Variants in TBC1D5 observed in about 807,000 individuals in gnomAD.
The protein encoded by TBC1D5 is TBC1 domain family, member 5.
In TBC1D5, 75 loss-of-function variants were observed where a neutral mutation model predicts 100.3. That is an observed-to-expected ratio of 0.75 (90% confidence interval 0.62 to 0.91). The LOEUF is 0.91. TBC1D5 is among the 40% of genes least tolerant of loss of function. The probability of loss-of-function intolerance (pLI) is 0.00; values close to 1 mark genes in which losing one functional copy is unlikely to be tolerated. For missense variants in TBC1D5, 910 were observed against 942.4 expected, an observed-to-expected ratio of 0.97 and a Z score of 0.45; for synonymous variants, 323 against 325.6, an observed-to-expected ratio of 0.99 and a Z score of 0.09.
At chr3:17,451,392 G>A (rs992133769) in intron 3 of TBC1D5, among the ~76,000 whole-genome samples, 4 of 152,104 alleles carry the variant, frequency 2.6e-5, no homozygotes, top group Non-Finnish European at 5.9e-5. Flanking sequence ...CAACAAACAT[G>A]AAGAAAAGCT....
At chr3:17,721,846 G>T (rs1363138338) in intron 1 of TBC1D5, among the ~76,000 whole-genome samples, 1 of 151,882 alleles carries the variant, frequency 6.6e-6, no homozygotes, top group Non-Finnish European at 1.5e-5. Flanking sequence ...CCAAGCGGTA[G>T]TGGCACATGC....
At position 17,624,514 on chromosome 3, in the gene TBC1D5, T is replaced by C. The variant is rs144439998; in HGVS notation, c.-100-601A>G. Among the ~76,000 whole-genome samples the C allele has an allele frequency of 1.0e-3, 153 of 152,202 alleles. 2 individuals carry two copies. In the South Asian group the frequency reaches 0.018, roughly 18 times the overall value. ...AATACTGTAGCATCTGGGAGTGATA[T>C]ATAAAATGCAGAAATACACCTAATA... is the stretch of plus-strand genomic sequence containing the variant. On this transcript the variant is annotated intron_variant, in intron 1 of 21. Transcript: ENST00000253692.
intron 2 of TBC1D5, among the ~76,000 whole-genome samples, chr3:17,553,491 C>A (rs186404270): frequency 6.7e-4 from 102 of 152,140 alleles, no homozygotes; most frequent in Non-Finnish European, 5.4e-4. Flanking sequence ...CCAGAAAATC[C>A]AAAATGGAAA....
intron 13 of TBC1D5, among the ~76,000 whole-genome samples, chr3:17,328,193 A>G (rs2086407635): frequency 6.6e-6 from 1 of 151,902 alleles, no homozygotes; most frequent in South Asian, 2.1e-4. Context: ...TCGCTTGAGC[A>G]TGGGAGGTTG....
At chr3:17,571,941 G>C (rs1258275722) in intron 2 of TBC1D5, among the ~76,000 whole-genome samples, 3 of 152,000 alleles carry the variant, frequency 2.0e-5, no homozygotes, top group Non-Finnish European at 4.4e-5. Flanking sequence ...CCCAGACAAT[G>C]ACAGGGATGC....
In TBC1D5 at chr3:17,707,874, T is replaced by C. The variant is rs1270359426; in HGVS notation, c.-101+31469A>G. ...GTACCAGAAAAAATTCATCAATGAG[T>C]GTATTTTTGTTGTTGAGAAATTTTC... is the stretch of plus-strand genomic sequence containing the variant. On this transcript the variant is annotated intron_variant, in intron 1 of 21. Transcript: ENST00000253692. Among the ~76,000 whole-genome samples, 4 of 152,020 alleles carry C rather than the reference T, an allele frequency of 2.6e-5. No individual in the cohort carries two copies. In the East Asian group the frequency reaches 5.8e-4, roughly 22 times the overall value.
intron 19 of TBC1D5, among the ~76,000 whole-genome samples, chr3:17,177,941 C>T (rs9813803): frequency 0.011 from 1,705 of 152,154 alleles, 36 homozygotes; most frequent in African/African-American, 0.039. Flanking sequence ...ATTTTTAGAT[C>T]CCTCAAATAA....
intron 7 of TBC1D5, among the ~76,000 whole-genome samples, chr3:17,403,585 A>G (rs930705467): frequency 3.9e-5 from 6 of 152,116 alleles, no homozygotes; most frequent in Non-Finnish European, 7.4e-5. Flanking sequence ...TACAAATCAG[A>G]AAAACAGCAC....
chr3:17,401,735 G>T (rs553797694), intron 8 of TBC1D5, among the ~76,000 whole-genome samples: 1 of 152,142 alleles, frequency 6.6e-6, no homozygotes, highest in African/African-American at 2.4e-5. Flanking sequence ...TCTGAAGTTG[G>T]CAAGTTTTTA....
At chr3:17,594,021 C>T (rs2060405171) in intron 2 of TBC1D5, among the ~76,000 whole-genome samples, 1 of 152,176 alleles carries the variant, frequency 6.6e-6, no homozygotes, top group South Asian at 2.1e-4. Flanking sequence ...GCTTCCTGTT[C>T]TCATGACATT....
upstream of TBC1D5, among the ~76,000 whole-genome samples, chr3:17,741,839 T>C (rs2077472604): frequency 7.4e-6 from 1 of 135,836 alleles, no homozygotes; most frequent in Admixed American, 7.7e-5. Context: ...TTTGCTCTTA[T>C]CCTGAAAGAC....
chr3:17,704,482 T>C (rs2073693673), intron 1 of TBC1D5, among the ~76,000 whole-genome samples: 2 of 135,338 alleles, frequency 1.5e-5, no homozygotes, highest in South Asian at 5.1e-4. Context: ...GGCTCCTCAC[T>C]TCCCAGTAGG....
intron 14 of TBC1D5, among the ~76,000 whole-genome samples, chr3:17,305,841 C>T (rs1575230195): frequency 6.6e-6 from 1 of 152,272 alleles, no homozygotes; most frequent in East Asian, 1.9e-4. Context: ...CCTGAACTAC[C>T]ATCACAACTG....
chr3:17,577,188 G>A (rs1576804166), intron 2 of TBC1D5, among the ~76,000 whole-genome samples: 1 of 151,966 alleles, frequency 6.6e-6, no homozygotes, highest in Non-Finnish European at 1.5e-5. Flanking sequence ...TTTAAAGTCT[G>A]CATATAAAAA....
intron 1 of TBC1D5, among the ~76,000 whole-genome samples, chr3:17,669,154 T>C (rs187358733): frequency 6.6e-6 from 1 of 152,308 alleles, no homozygotes; most frequent in East Asian, 1.9e-4. Flanking sequence ...GGTCTGATTA[T>C]TTTTAAAAGG....
rs542197209 is a variant in TBC1D5, at chr3:17,212,078, T to C, written c.1752+2129A>G. On this transcript the variant is annotated intron_variant, in intron 18 of 21. Transcript: ENST00000253692. ...TAAATAATTATCTCTCAAAGGTTAA[T>C]AGTTTGTTTGTTTTTCTAATTTAGG... Among the ~76,000 whole-genome samples the C allele has an allele frequency of 5.3e-5, 8 of 152,246 alleles. No homozygotes were observed. The South Asian group carries it at 1.5e-3, about 28-fold the overall frequency.
Position 17,163,868 on chromosome 3 carries a change from T to A in TBC1D5, c.2095-2612A>T, listed in dbSNP as rs144741521. Among the ~76,000 whole-genome samples the A allele has an allele frequency of 1.3e-3, 197 of 152,324 alleles. 1 individual carries two copies. In the East Asian group the frequency reaches 0.032, roughly 25 times the overall value. ...ATTTAATTTTAAATAGATAGATACG[T>A]GGCTAGTGGCTGTAATAGTAGACAA... On this transcript the variant is annotated intron_variant, in intron 21 of 21. Coordinates refer to ENST00000253692, the Ensembl canonical transcript of TBC1D5.
intron 3 of TBC1D5, among the ~76,000 whole-genome samples, chr3:17,482,822 G>A (rs1382107904): frequency 6.6e-6 from 1 of 151,996 alleles, no homozygotes. Context: ...CTGTCTGCTT[G>A]CCTTGTCAGT....
At chr3:17,161,344 G>T in intron 21 of TBC1D5, 88 bp from the exon 23 acceptor site, 1 of 1,444,948 alleles carries the variant, frequency 6.9e-7, no homozygotes, top group Non-Finnish European at 9.3e-7. Context: ...GGGGACTCGT[G>T]GTGGAAAGCT....
Sources: gnomAD v4.1 joint callset for allele counts (sites outside exome capture counted in the v4.1 genomes callset) on GRCh38, gnomAD v4.1.1 for gene constraint, MANE v1.5 for transcripts, NCBI Gene and HGNC (gene_info 2026-07-23, HGNC 2026-07-21) for gene names.